Variants in RNF126 observed in about 807,000 individuals in gnomAD.
The protein encoded by RNF126 is ring finger protein 126, also known as E3 ubiquitin-protein ligase RNF126.
A neutral mutation model predicts 41.9 loss-of-function variants in RNF126; 20 were observed. That is an observed-to-expected ratio of 0.48 (90% CI 0.34 to 0.69). The LOEUF (loss-of-function observed/expected upper bound fraction) is 0.69. Ranked by LOEUF, RNF126 falls within the 30% of genes least tolerant of loss-of-function variation. The pLI is 0.01. For synonymous variants in RNF126, 239 were observed against 202.9 expected, an observed-to-expected ratio of 1.18 and a Z score of -1.51; for missense variants, 433 against 460.6, an observed-to-expected ratio of 0.94 and a Z score of 0.55.
At chr19:649,295 G>A (rs1165756811) in intron 6 of RNF126, 8 of 322,996 alleles carry the variant, frequency 2.5e-5, no homozygotes, top group Non-Finnish European at 4.0e-5. Flanking sequence ...GGGCTACTGT[G>A]AGGGTCGGGT....
At chr19:652,348 C>T in intron 2 of RNF126, 52 bp from the exon 3 acceptor site, 1 of 1,425,680 alleles carries the variant, frequency 7.0e-7, no homozygotes, top group Admixed American at 2.5e-5. Flanking sequence ...CCCCCATGCG[C>T]CAGGCGCTCC....
chr19:652,979 T>A (rs2030395199), intron 1 of RNF126, 95 bp from the exon 2 acceptor site: 1 of 1,222,736 alleles, frequency 8.2e-7, no homozygotes, highest in Non-Finnish European at 1.2e-6. Context: ...GACCCAGCGG[T>A]CTCTGGCTGG....
intron 1 of RNF126, 76 bp from the exon 2 acceptor site, chr19:652,960 G>C: frequency 7.3e-7 from 1 of 1,369,140 alleles, no homozygotes; most frequent in Non-Finnish European, 1.0e-6. Flanking sequence ...TGAGGACAGA[G>C]GGGCTCCGGA....
At position 659,101 on chromosome 19, in the gene RNF126, T is replaced by A. The variant is rs1048341876; in HGVS notation, c.75+3946A>T. ...GGAGAACCCAGCTGTGCAGAGCCGC[T>A]CCAGGGTGCTGGCCGGACGCTTGAG... On this transcript the variant is annotated intron_variant, in intron 1 of 8. Transcript: ENST00000292363. The surrounding 1 kb of genome is among the most constrained non-coding windows in gnomAD (Gnocchi z 4.9). Among the ~76,000 whole-genome samples the A allele has an allele frequency of 6.6e-6, 1 of 152,114 alleles. No individual in the cohort carries two copies. The highest frequency in any genetic ancestry group is 1.5e-5 in the Non-Finnish European group (1 of 68,016).
intron 1 of RNF126, among the ~76,000 whole-genome samples, chr19:656,826 TGA>T (rs1244153153): frequency 1.3e-5 from 2 of 152,152 alleles, no homozygotes; most frequent in African/African-American, 2.4e-5. Context: ...GTAAACACGC[TGA>T]GACTTCACAG....
intron 1 of RNF126, among the ~76,000 whole-genome samples, chr19:656,750 G>A (rs527621204): frequency 2.6e-5 from 4 of 152,348 alleles, no homozygotes; most frequent in Non-Finnish European, 5.9e-5. Flanking sequence ...CACAGTGGCC[G>A]TGACAACTCT....
intron 3 of RNF126, 130 bp downstream of exon 3, chr19:652,090 TCCCTGGCCCGGGC>T (rs1318402327): frequency 3.9e-6 from 3 of 768,220 alleles, no homozygotes; most frequent in Non-Finnish European, 5.9e-6. Flanking sequence ...GCCGCCCCAA[TCCCTGGCCCGGGC>T]CCCTGGAGGG....
chr19:649,824 G>A, intron 5 of RNF126, 76 bp from the exon 6 acceptor site: 4 of 1,220,798 alleles, frequency 3.3e-6, no homozygotes, highest in Non-Finnish European at 4.7e-6. Flanking sequence ...ACTCACCAGG[G>A]GCCCAGGCTG....
intron 1 of RNF126, among the ~76,000 whole-genome samples, chr19:653,910 G>A (rs1324015596): frequency 3.9e-5 from 6 of 152,222 alleles, no homozygotes; most frequent in African/African-American, 1.2e-4. Context: ...CAGGAGACAA[G>A]GCTCCCACCG....
chr19:647,843 A>G lies in RNF126; in HGVS notation c.*285T>C, dbSNP rs1318771963. The G allele has an allele frequency of 3.5e-6, 2 of 573,992 alleles. No individual in the cohort carries two copies. The highest frequency in any genetic ancestry group is 3.3e-5 in the South Asian group (2 of 60,328). The allele number at this position is 573,992 out of a possible 1,614,324, so 35.6% of individuals were successfully genotyped here. A position where few individuals can be genotyped will look rare whatever the true frequency, so the allele number is the denominator to read the frequency against. ...AACGTCCGTTTATTTCAAAGCAGTAATAATTTAAAATTATAAAAATCTTTC... is the reference window on the plus strand; with the variant it reads ...AACGTCCGTTTATTTCAAAGCAGTAGTAATTTAAAATTATAAAAATCTTTC... On this transcript the variant is annotated 3_prime_UTR_variant, in exon 9 of 9. Transcript: ENST00000292363.
intron 1 of RNF126, among the ~76,000 whole-genome samples, chr19:662,379 G>T (rs1019983623): frequency 2.0e-5 from 3 of 152,210 alleles, no homozygotes; most frequent in African/African-American, 7.2e-5. Flanking sequence ...TAAACACCTG[G>T]AGGAAGGGTG....
intron 1 of RNF126, among the ~76,000 whole-genome samples, chr19:661,661 C>T (rs1169060521): frequency 1.3e-5 from 2 of 152,186 alleles, no homozygotes; most frequent in African/African-American, 4.8e-5. Flanking sequence ...CAGAGACAGG[C>T]GGCTTCTCCT....
In RNF126 at chr19:647,782, CCGCCACAAA is replaced by C. The variant is rs1465343818; in HGVS notation, c.*337_*345del. On this transcript the variant is annotated 3_prime_UTR_variant, in exon 9 of 9. Transcript: ENST00000292363. ...TGGGGGAGCCGCTGGGCCCCGTCTT[CCGCCACAAA>C]CCATGCATGGCCGCCACGTGAGCTC... The C allele has an allele frequency of 2.7e-6, 1 of 374,692 alleles. No individual in the cohort carries two copies. Among genetic ancestry groups the C allele is most frequent in the Non-Finnish European group, 5.1e-6 (1 of 195,312 alleles). The allele number at this position is 374,692 out of a possible 1,614,324, so 23.2% of individuals were successfully genotyped here.
At chr19:649,629 G>A (rs1600628444) in intron 6 of RNF126, 50 bp downstream of exon 6, 2 of 1,469,106 alleles carry the variant, frequency 1.4e-6, no homozygotes, top group Non-Finnish European at 1.9e-6. Flanking sequence ...CCAGGGGTGG[G>A]CAGCCCAGCC....
rs1249670768 is a variant in RNF126 at position 648,949 on chromosome 19, G to T, written c.603C>A (p.Gly201=). ...TTTTCTCTTTATCTGCCGGTGGGGGGCCTGTGTTTTCAAACTGATTGAGGA... is the reference window on the plus strand; with the variant it reads ...TTTTCTCTTTATCTGCCGGTGGGGGTCCTGTGTTTTCAAACTGATTGAGGA... The part of the protein sequence containing the change: ...TQLLNQFENT[G]PPPADKEKIQ... The change falls in exon 7 of 9, where the codon GGC becomes GGA. Residue 201 remains glycine (G), a synonymous_variant. Coordinates refer to ENST00000292363, the MANE Select transcript of RNF126 (RefSeq NM_194460.3). The T allele has an allele frequency of 1.7e-5, 25 of 1,429,214 alleles. No individual in the cohort carries two copies. The highest frequency in any genetic ancestry group is 2.3e-5 in the Non-Finnish European group (25 of 1,090,934). The allele number at this position is 1,429,214 out of a possible 1,614,324, so 88.5% of individuals were successfully genotyped here.
rs761817820 is a variant in RNF126, at chr19:648,497, T to C, written c.671-10A>G. Reference sequence around the variant, plus strand: ...CACTCGAGCCCGGAGCCTGCGGGAGTGTGCAGCTGCGGTCACAGCGGGCGT... The same window carrying C: ...CACTCGAGCCCGGAGCCTGCGGGAGCGTGCAGCTGCGGTCACAGCGGGCGT... On this transcript the variant is annotated splice_polypyrimidine_tract_variant and intron_variant, in intron 7 of 8. Coordinates refer to ENST00000292363, the MANE Select transcript of RNF126 (RefSeq NM_194460.3). 3.2e-6 allele frequency: 5 copies of C among 1,557,528 alleles called. No homozygotes were observed. The highest frequency in any genetic ancestry group is 1.2e-5 in the South Asian group (1 of 84,872).
At chr19:651,387 G>C (rs1246902440) in intron 4 of RNF126, 1 of 407,188 alleles carries the variant, frequency 2.5e-6, no homozygotes, top group East Asian at 4.2e-5. Flanking sequence ...GCAGGCACAC[G>C]GTGCCCCACT....
At chr19:652,585 C>G in intron 2 of RNF126, 1 of 607,046 alleles carries the variant, frequency 1.6e-6, no homozygotes, top group Non-Finnish European at 2.9e-6. Flanking sequence ...AGATTAGCCG[C>G]CGAGGCTGAG....
intron 1 of RNF126, among the ~76,000 whole-genome samples, chr19:662,605 G>T (rs1015768226): frequency 1.3e-5 from 2 of 152,134 alleles, no homozygotes; most frequent in African/African-American, 4.8e-5. Context: ...TTATTCTCGG[G>T]GTCCGAGCCC....
Sources: allele counts gnomAD v4.1 joint callset (sites outside exome capture counted in the v4.1 genomes callset), GRCh38; gene constraint gnomAD v4.1.1; non-coding constraint Gnocchi (gnomAD v3.1); transcripts MANE v1.5; gene names NCBI Gene and HGNC (gene_info 2026-07-23, HGNC 2026-07-21).